NRCAM: variants seen among roughly 807,000 people sequenced by gnomAD.
NRCAM encodes NgCAM-related cell adhesion molecule.
A neutral mutation model predicts 156.5 loss-of-function variants in NRCAM; 83 were observed. The ratio of observed to expected loss-of-function variants is 0.53; its 90% CI spans 0.44 to 0.64. The LOEUF (loss-of-function observed/expected upper bound fraction) is 0.64, where lower values mean the gene tolerates loss of function less well. NRCAM is among the 30% of genes least tolerant of loss of function. NRCAM has a pLI of 0.00. For missense variants in NRCAM, 1,417 were observed against 1,597.3 expected, an observed-to-expected ratio of 0.89 and a Z score of 1.92; for synonymous variants, 538 against 563.9, an observed-to-expected ratio of 0.95 and a Z score of 0.65.
intron 1 of NRCAM, among the ~76,000 whole-genome samples, chr7:108,425,395 T>C (rs1206242488): frequency 6.6e-6 from 1 of 152,204 alleles, no homozygotes; most frequent in Non-Finnish European, 1.5e-5. Flanking sequence ...TTATCTCCTA[T>C]GACTCTGCAA....
chr7:108,204,278 C>A (rs1332292681), intron 13 of NRCAM, among the ~76,000 whole-genome samples: 1 of 152,230 alleles, frequency 6.6e-6, no homozygotes, highest in Non-Finnish European at 1.5e-5. Flanking sequence ...GGGAGATCAA[C>A]ACACAGTGGG....
chr7:108,437,518 C>A (rs1171254358), intron 1 of NRCAM, among the ~76,000 whole-genome samples: 2 of 152,012 alleles, frequency 1.3e-5, no homozygotes, highest in African/African-American at 2.4e-5. Context: ...ACATTGCATG[C>A]CTGAATCAAA....
intron 1 of NRCAM, among the ~76,000 whole-genome samples, chr7:108,451,251 G>T (rs537371624): frequency 6.6e-6 from 1 of 151,384 alleles, no homozygotes; most frequent in East Asian, 1.9e-4. Flanking sequence ...GAAAAAAAAA[G>T]TAACAGTGAT....
rs1451706222 is a variant in NRCAM at position 108,232,483 on chromosome 7, A to G, written c.270T>C (p.Asp90=). 3 of 1,613,014 alleles carry G rather than the reference A, an allele frequency of 1.9e-6. No individual in the cohort carries two copies. The highest frequency in any genetic ancestry group is 1.3e-5 in the African/African-American group (1 of 74,940). ...GCTTCATGGTGACCAGAGGGTCTTT[A>G]TCGATGTCAAAATGAGTCCCATTAC... is the stretch of plus-strand genomic sequence containing the variant. ...WTRNGTHFDI[D]KDPLVTMKPG... is the part of the protein sequence containing the mutation. The change falls in exon 7 of 33, where the codon GAT becomes GAC. Residue 90 remains aspartate, a synonymous_variant. Transcript: ENST00000379028.
chr7:108,300,935 T>C (rs1228672466), intron 3 of NRCAM, among the ~76,000 whole-genome samples: 4 of 152,116 alleles, frequency 2.6e-5, no homozygotes, highest in Admixed American at 6.5e-5. Context: ...ATTCAGGAAA[T>C]AGAATTACAT....
At chr7:108,231,819 G>T (rs1038173738) in intron 7 of NRCAM, among the ~76,000 whole-genome samples, 16 of 152,040 alleles carry the variant, frequency 1.1e-4, no homozygotes, top group Admixed American at 2.0e-4. Context: ...TGAAAAATGT[G>T]ACTGTTATTT....
At chr7:108,163,005 ACATACACACACATGCG>A (rs2050231139) in intron 30 of NRCAM, among the ~76,000 whole-genome samples, 1 of 152,124 alleles carries the variant, frequency 6.6e-6, no homozygotes, top group Non-Finnish European at 1.5e-5. Context: ...CATCACACAC[ACATACACACACATGCG>A]CATACACACA....
intron 13 of NRCAM, among the ~76,000 whole-genome samples, chr7:108,199,481 C>G (rs887565865): frequency 1.3e-5 from 2 of 152,216 alleles, no homozygotes; most frequent in African/African-American, 4.8e-5. Flanking sequence ...TGCTCTAAAA[C>G]CAATGCGTGA....
chr7:108,388,061 T>C (rs1433255254), intron 2 of NRCAM, among the ~76,000 whole-genome samples: 1 of 152,212 alleles, frequency 6.6e-6, no homozygotes, highest in Admixed American at 6.5e-5. Flanking sequence ...TATAATCTTT[T>C]GGGTATATAC....
intron 26 of NRCAM, 46 bp downstream of exon 26, chr7:108,177,943 TA>T (rs1405909446): frequency 2.6e-6 from 4 of 1,536,414 alleles, no homozygotes; most frequent in Non-Finnish European, 3.5e-6. Context: ...AAATAATAAA[TA>T]AAATAAAAAA....
intron 26 of NRCAM, among the ~76,000 whole-genome samples, chr7:108,177,449 C>T (rs1246180325): frequency 6.6e-6 from 1 of 151,944 alleles, no homozygotes; most frequent in Non-Finnish European, 1.5e-5. Flanking sequence ...TGGTGAAACC[C>T]CGTCTCTACT....
Position 108,283,790 on chromosome 7 carries a change from C to T in NRCAM, c.-107+28875G>A, listed in dbSNP as rs557122453. Reference sequence around the variant, plus strand: ...CTCTTGAATGTCCCTTTTCCAGCTCCCCTTACAATTCTCTTACTCCATTCA... The same window carrying T: ...CTCTTGAATGTCCCTTTTCCAGCTCTCCTTACAATTCTCTTACTCCATTCA... On this transcript the variant is annotated intron_variant, in intron 3 of 32. Coordinates refer to ENST00000379028, the MANE Select transcript of NRCAM (RefSeq NM_001037132.4). 9.9e-5 allele frequency among the ~76,000 whole-genome samples: 15 copies of T among 152,228 alleles called. No homozygotes were observed. In the South Asian group the frequency reaches 2.7e-3, roughly 27 times the overall value.
At chr7:108,299,149 T>TA (rs751614501) in intron 3 of NRCAM, among the ~76,000 whole-genome samples, 917 of 80,124 alleles carry the variant, frequency 0.011, 11 homozygotes, top group African/African-American at 0.03. Context: ...AAAAGAAAAG[T>TA]AAAAAAAAAA....
intron 3 of NRCAM, among the ~76,000 whole-genome samples, chr7:108,262,900 A>G (rs187606017): frequency 8.5e-5 from 13 of 152,312 alleles, no homozygotes; most frequent in African/African-American, 3.1e-4. Flanking sequence ...TTGCCTCATT[A>G]GAAGCATAAC....
chr7:108,316,890 G>A (rs183873882), intron 2 of NRCAM, among the ~76,000 whole-genome samples: 9 of 152,298 alleles, frequency 5.9e-5, no homozygotes, highest in African/African-American at 2.2e-4. Flanking sequence ...AGACATGGCT[G>A]TGGAGAAGAA....
chr7:108,449,970 CAT>C (rs543671629), intron 1 of NRCAM, among the ~76,000 whole-genome samples: 1 of 151,000 alleles, frequency 6.6e-6, no homozygotes, highest in African/African-American at 2.4e-5. Context: ...AAAATTTAAA[CAT>C]ATATATATAT....
chr7:108,201,472 T>TA (rs936677106), intron 13 of NRCAM, among the ~76,000 whole-genome samples: 2 of 152,246 alleles, frequency 1.3e-5, no homozygotes, highest in African/African-American at 4.8e-5. Flanking sequence ...ATTTAATGGC[T>TA]AAAGGGCTCT....
intron 4 of NRCAM, among the ~76,000 whole-genome samples, chr7:108,239,045 A>C (rs1235431124): frequency 1.3e-5 from 2 of 152,160 alleles, no homozygotes; most frequent in East Asian, 1.9e-4. Flanking sequence ...CTATTCAGGA[A>C]GCTAATGGCT....
chr7:108,294,944 C>T (rs892578178), intron 3 of NRCAM, among the ~76,000 whole-genome samples: 2 of 152,194 alleles, frequency 1.3e-5, no homozygotes, highest in Non-Finnish European at 2.9e-5. Flanking sequence ...CTAAAGTCCA[C>T]ATTTGCATCA....
Sources: allele counts gnomAD v4.1 joint callset (sites outside exome capture counted in the v4.1 genomes callset), GRCh38; gene constraint gnomAD v4.1.1; transcripts MANE v1.5; gene names NCBI Gene and HGNC (gene_info 2026-07-23, HGNC 2026-07-21).